TAF15: variants seen among roughly 807,000 people sequenced by gnomAD.
TAF15 encodes TATA-binding protein-associated factor 2N.
In TAF15, 37 loss-of-function variants were observed where a neutral mutation model predicts 102.5. The observed-to-expected ratio is 0.36, with a 90% CI of 0.28 to 0.47. The LOEUF (loss-of-function observed/expected upper bound fraction) is 0.47, where lower values mean the gene tolerates loss of function less well. Among genes scored for constraint, TAF15 ranks in the 20% least tolerant of loss-of-function variants. TAF15 has a pLI of 0.99. For synonymous variants in TAF15, 273 were observed against 259.2 expected (o/e 1.05, Z -0.51); for missense variants, 652 against 760.7 (o/e 0.86, Z 1.68).
chr17:35,832,640 A>G (rs1302238999), intron 7 of TAF15, among the ~76,000 whole-genome samples: 1 of 152,122 alleles, frequency 6.6e-6, no homozygotes, highest in Non-Finnish European at 1.5e-5. Flanking sequence ...CTTGGGTTAT[A>G]ATAGAATAAG....
chr17:35,820,985 T>A (rs1454482123), intron 5 of TAF15, among the ~76,000 whole-genome samples: 1 of 152,218 alleles, frequency 6.6e-6, no homozygotes, highest in Non-Finnish European at 1.5e-5. Context: ...TAATAGCAAG[T>A]TACTTTTTAA....
intron 5 of TAF15, among the ~76,000 whole-genome samples, chr17:35,822,298 G>A (rs1022664057): frequency 2.7e-5 from 4 of 147,452 alleles, no homozygotes; most frequent in Admixed American, 1.4e-4. Flanking sequence ...CCACGATCGC[G>A]CCATTGCACT....
At chr17:35,827,192 C>T (rs770847899) in intron 7 of TAF15, among the ~76,000 whole-genome samples, 53 of 151,752 alleles carry the variant, frequency 3.5e-4, no homozygotes, top group South Asian at 2.1e-4. Context: ...AAAAATTAGC[C>T]GGGTGTGGTG....
chr17:35,829,489 G>A (rs550422129), intron 7 of TAF15, among the ~76,000 whole-genome samples: 8 of 151,060 alleles, frequency 5.3e-5, no homozygotes, highest in South Asian at 2.1e-4. Flanking sequence ...AAAATTAGCC[G>A]GGCGTGGTGG....
At chr17:35,811,300 A>C (rs976207980) in intron 1 of TAF15, 7 of 152,208 alleles carry the variant, frequency 4.6e-5, no homozygotes, top group African/African-American at 1.2e-4. Flanking sequence ...AATCATTAGT[A>C]TTGATCTTCA....
At chr17:35,815,641 A>G (rs900984610) in intron 1 of TAF15, among the ~76,000 whole-genome samples, 1 of 152,216 alleles carries the variant, frequency 6.6e-6, no homozygotes, top group African/African-American at 2.4e-5. Context: ...ACCTACATCC[A>G]TGCTTCAGGA....
chr17:35,823,692 G>GA (rs2087291245), intron 6 of TAF15: 1 of 287,656 alleles, frequency 3.5e-6, no homozygotes, highest in Non-Finnish European at 6.6e-6. Context: ...GCTACAGAGC[G>GA]AGACTCTTGT....
At chr17:35,821,157 T>C (rs4251740) in intron 5 of TAF15, among the ~76,000 whole-genome samples, 4,845 of 152,298 alleles carry the variant, frequency 0.032, 257 homozygotes, top group African/African-American at 0.11. Flanking sequence ...TCTAGTGTTT[T>C]CTTTCTACAG....
chr17:35,842,041 C>G (rs1339762755), intron 11 of TAF15, among the ~76,000 whole-genome samples: 2 of 152,036 alleles, frequency 1.3e-5, no homozygotes, highest in African/African-American at 4.8e-5. Flanking sequence ...AGGCTGGTCT[C>G]GTGCTCCTGG....
At chr17:35,846,338 G>A (rs1434834821) in intron 15 of TAF15, among the ~76,000 whole-genome samples, 1 of 152,178 alleles carries the variant, frequency 6.6e-6, no homozygotes, top group African/African-American at 2.4e-5. Flanking sequence ...ACTAGTTGCT[G>A]GCCCAGAGTA....
intron 15 of TAF15, among the ~76,000 whole-genome samples, chr17:35,846,323 G>A (rs1000914933): frequency 5.9e-5 from 9 of 152,178 alleles, no homozygotes; most frequent in Non-Finnish European, 1.3e-4. Flanking sequence ...ATTAGATTAC[G>A]TTGTACTAGT....
At chr17:35,809,618 T>G in intron 1 of TAF15, 42 bp downstream of exon 1, 2 of 1,612,750 alleles carry the variant, frequency 1.2e-6, no homozygotes, top group Non-Finnish European at 1.7e-6. Context: ...GACGAGAAGG[T>G]CCTGGCGGGG....
intron 7 of TAF15, among the ~76,000 whole-genome samples, chr17:35,826,261 C>T (rs79681170): frequency 3.7e-4 from 57 of 152,092 alleles, no homozygotes; most frequent in South Asian, 8.3e-4. Context: ...GGGGAAAGGT[C>T]GGGTGAGGAA....
intron 1 of TAF15, among the ~76,000 whole-genome samples, chr17:35,815,884 A>AT (rs1287544645): frequency 3.9e-5 from 6 of 151,976 alleles, no homozygotes; most frequent in African/African-American, 1.2e-4. Context: ...GTGATGTGTA[A>AT]TTTTTTCTTT....
chr17:35,826,766 C>G lies in TAF15; in HGVS notation c.605+2568C>G, dbSNP rs548418125. ...TTTTTTAAGTAGTGATGGGGTTTCA[C>G]CGTGTTAGCTAGGATGGTCTCGATC... is the stretch of plus-strand genomic sequence containing the variant. On this transcript the variant is annotated intron_variant, in intron 7 of 15. Transcript: ENST00000605844. 2.0e-5 allele frequency among the ~76,000 whole-genome samples: 3 copies of G among 149,000 alleles called. No individual in the cohort carries two copies. In the South Asian group the frequency reaches 6.4e-4, roughly 32 times the overall value.
At chr17:35,843,015 C>T (rs1165718814) in intron 12 of TAF15, among the ~76,000 whole-genome samples, 1 of 152,198 alleles carries the variant, frequency 6.6e-6, no homozygotes, top group Non-Finnish European at 1.5e-5. Context: ...AGGCATGAGC[C>T]ACCGTGCTTG....
At chr17:35,823,568 G>A (rs1310979704) in intron 6 of TAF15, 1 of 167,100 alleles carries the variant, frequency 6.0e-6, no homozygotes, top group African/African-American at 2.4e-5. Context: ...AGCCAGGCAT[G>A]GTGGCGGGCA....
chr17:35,839,291 A>G (rs532656045), intron 11 of TAF15, among the ~76,000 whole-genome samples: 2 of 150,676 alleles, frequency 1.3e-5, no homozygotes, highest in South Asian at 2.1e-4. Flanking sequence ...CAAAAAAAAA[A>G]ACCCTATAAA....
chr17:35,822,619 A>T, intron 5 of TAF15, 21 bp from the exon 6 acceptor site: 4 of 1,608,896 alleles, frequency 2.5e-6, no homozygotes, highest in Non-Finnish European at 2.5e-6. Context: ...GAAGTCTCTT[A>T]AGTTCTCCAT....
Sources: allele counts gnomAD v4.1 joint callset (sites outside exome capture counted in the v4.1 genomes callset), GRCh38; gene constraint gnomAD v4.1.1; transcripts MANE v1.5; gene names NCBI Gene and HGNC (gene_info 2026-07-23, HGNC 2026-07-21).